Variants in ATP8A1 observed in about 807,000 individuals in gnomAD.
The protein encoded by ATP8A1 is phospholipid-transporting ATPase IA.
A neutral mutation model predicts 177.7 loss-of-function variants in ATP8A1; 90 were observed. The observed-to-expected ratio is 0.51, with a 90% CI of 0.43 to 0.60. The LOEUF (loss-of-function observed/expected upper bound fraction) is 0.60. Among genes scored for constraint, ATP8A1 ranks in the 20% least tolerant of loss-of-function variants. The pLI, the probability that ATP8A1 is intolerant of heterozygous loss-of-function variation, is 0.00. For synonymous variants in ATP8A1, 493 were observed against 485.9 expected (o/e 1.01, Z -0.19); for missense variants, 1,072 against 1,392.8 (o/e 0.77, Z 3.67).
intron 1 of ATP8A1, among the ~76,000 whole-genome samples, chr4:42,641,132 GGACACAT>G (rs1739942963): frequency 6.6e-6 from 1 of 151,738 alleles, no homozygotes; most frequent in Admixed American, 6.6e-5. Flanking sequence ...GACAGGATAA[GGACACAT>G]GACACGATTA....
intron 14 of ATP8A1, among the ~76,000 whole-genome samples, chr4:42,570,747 C>G (rs1342793306): frequency 6.6e-6 from 1 of 152,118 alleles, no homozygotes; most frequent in Non-Finnish European, 1.5e-5. Context: ...TGGCTTTTTG[C>G]CTTTGTATGT....
chr4:42,648,189 A>AG, intron 1 of ATP8A1, among the ~76,000 whole-genome samples: 1 of 152,226 alleles, frequency 6.6e-6, no homozygotes, highest in East Asian at 1.9e-4. Context: ...TGATTCAATG[A>AG]TGTACTCATA....
intron 14 of ATP8A1, 76 bp downstream of exon 14, chr4:42,574,543 A>G (rs1290469940): frequency 1.6e-6 from 2 of 1,218,828 alleles, no homozygotes; most frequent in East Asian, 4.8e-5. Flanking sequence ...TCCCCTAATA[A>G]GAACTCCCAA....
chr4:42,522,038 G>C (rs1006120871), intron 22 of ATP8A1, 122 bp downstream of exon 22: 34 of 1,064,336 alleles, frequency 3.2e-5, no homozygotes, highest in Admixed American at 2.8e-5. Flanking sequence ...ATGATGAGAG[G>C]GTATTCAATA....
chr4:42,651,323 T>C (rs3101247), intron 1 of ATP8A1, among the ~76,000 whole-genome samples: 127,019 of 152,168 alleles, frequency 0.83, 53,474 homozygotes, highest in African/African-American at 0.94. Flanking sequence ...AATGTGGAAA[T>C]GACTTTGGAA....
intron 15 of ATP8A1, among the ~76,000 whole-genome samples, chr4:42,561,159 G>C (rs1459632855): frequency 6.6e-6 from 1 of 152,216 alleles, no homozygotes; most frequent in Non-Finnish European, 1.5e-5. Flanking sequence ...ACACAAACGA[G>C]GACAAGTGCA....
At chr4:42,632,395 T>C (rs1042824776) in intron 1 of ATP8A1, among the ~76,000 whole-genome samples, 4 of 152,184 alleles carry the variant, frequency 2.6e-5, no homozygotes, top group African/African-American at 9.6e-5. Flanking sequence ...GTTTTCTGAA[T>C]TGTGGTTTAT....
intron 1 of ATP8A1, among the ~76,000 whole-genome samples, chr4:42,641,259 A>G (rs1020722711): frequency 2.6e-5 from 4 of 152,182 alleles, no homozygotes; most frequent in African/African-American, 9.7e-5. Flanking sequence ...TGTAAATACA[A>G]TATGGGAGAC....
At chr4:42,467,390 C>G (rs1214556491) in intron 25 of ATP8A1, among the ~76,000 whole-genome samples, 2 of 152,120 alleles carry the variant, frequency 1.3e-5, no homozygotes, top group African/African-American at 4.8e-5. Context: ...CTTCCATTAC[C>G]AAGCTTTAAA....
At chr4:42,525,595 T>G (rs1287422654) in intron 20 of ATP8A1, among the ~76,000 whole-genome samples, 14 of 152,260 alleles carry the variant, frequency 9.2e-5, no homozygotes, top group African/African-American at 3.1e-4. Context: ...TTTAACTTCA[T>G]GCATCACTTA....
intron 22 of ATP8A1, among the ~76,000 whole-genome samples, chr4:42,514,730 A>T (rs995821611): frequency 2.0e-5 from 3 of 152,144 alleles, no homozygotes; most frequent in Non-Finnish European, 4.4e-5. Flanking sequence ...TTAGCATGGG[A>T]TCTGGAATTA....
chr4:42,599,328 C>T lies in ATP8A1; in HGVS notation c.450+1150G>A, dbSNP rs73810736. Among the ~76,000 whole-genome samples, 1,270 of 152,154 alleles carry T rather than the reference C, an allele frequency of 8.3e-3. 18 individuals are homozygous for T. Among genetic ancestry groups the T allele is most frequent in the African/African-American group, 0.027 (1,123 of 41,522 alleles). On this transcript the variant is annotated intron_variant, in intron 6 of 36. Transcript: ENST00000381668. ...GTCTTCTTTCTAAAATGTTTAATTC[C>T]ATAGGTGCCAGAAAAGAGTAGAAAA...
At chr4:42,656,076 G>A (rs1426197344) in intron 1 of ATP8A1, among the ~76,000 whole-genome samples, 1 of 152,196 alleles carries the variant, frequency 6.6e-6, no homozygotes, top group African/African-American at 2.4e-5. Flanking sequence ...CCTCGGAGAC[G>A]ATGAAGAGTC....
intron 11 of ATP8A1, among the ~76,000 whole-genome samples, chr4:42,579,323 T>G (rs1732782005): frequency 6.7e-6 from 1 of 148,956 alleles, no homozygotes; most frequent in African/African-American, 2.4e-5. Flanking sequence ...TTTTTGGTAC[T>G]TTTATTTAAA....
At chr4:42,474,485 C>T (rs1578007348) in intron 25 of ATP8A1, among the ~76,000 whole-genome samples, 1 of 152,182 alleles carries the variant, frequency 6.6e-6, no homozygotes, top group African/African-American at 2.4e-5. Context: ...TCCAGGAGTA[C>T]ATCCTCAGTG....
At chr4:42,561,026 T>C (rs1054788952) in intron 15 of ATP8A1, among the ~76,000 whole-genome samples, 1 of 152,188 alleles carries the variant, frequency 6.6e-6, no homozygotes, top group African/African-American at 2.4e-5. Flanking sequence ...TAAGATCATT[T>C]TTCTCATATT....
At chr4:42,599,580 A>G (rs1453423245) in intron 6 of ATP8A1, among the ~76,000 whole-genome samples, 1 of 152,180 alleles carries the variant, frequency 6.6e-6, no homozygotes, top group Non-Finnish European at 1.5e-5. Context: ...TTAATTTTTA[A>G]TTGGGGGGTA....
intron 18 of ATP8A1, among the ~76,000 whole-genome samples, chr4:42,550,675 T>C (rs1015428907): frequency 5.9e-5 from 9 of 152,226 alleles, no homozygotes; most frequent in African/African-American, 1.4e-4. Flanking sequence ...TTCATGCCTG[T>C]AATCCCAGTG....
At chr4:42,473,753 C>G (rs1225235128) in intron 25 of ATP8A1, among the ~76,000 whole-genome samples, 1 of 152,000 alleles carries the variant, frequency 6.6e-6, no homozygotes, top group Non-Finnish European at 1.5e-5. Flanking sequence ...TCAAGTGATC[C>G]TCCTACCTCA....
Sources: gnomAD v4.1 joint callset for allele counts (sites outside exome capture counted in the v4.1 genomes callset) on GRCh38, gnomAD v4.1.1 for gene constraint, MANE v1.5 for transcripts, NCBI Gene and HGNC (gene_info 2026-07-23, HGNC 2026-07-21) for gene names.